The following ABCB4 variants were observed in gnomAD, a reference collection of about 807,000 sequenced individuals.
ABCB4 encodes the protein phosphatidylcholine translocator ABCB4.
ABCB4 carries 76 observed loss-of-function variants against 145.7 expected under a neutral mutation model. The ratio of observed to expected loss-of-function variants is 0.52; its 90% confidence interval spans 0.43 to 0.63. The LOEUF is 0.63. ABCB4 is among the 30% of genes least tolerant of loss of function. The pLI is 0.00. For missense variants in ABCB4, 1,234 were observed against 1,553.1 expected, an observed-to-expected ratio of 0.79 and a Z score of 3.45; for synonymous variants, 517 against 566.8, an observed-to-expected ratio of 0.91 and a Z score of 1.25.
intron 16 of ABCB4, among the ~76,000 whole-genome samples, chr7:87,426,173 AG>A (rs1185124194): frequency 1.3e-5 from 2 of 152,176 alleles, no homozygotes; most frequent in African/African-American, 4.8e-5. Context: ...CAGATGTGAT[AG>A]GTAGGGCTTC....
downstream of ABCB4, among the ~76,000 whole-genome samples, chr7:87,397,762 C>T (rs1361003175): frequency 6.6e-6 from 1 of 152,172 alleles, no homozygotes; most frequent in Non-Finnish European, 1.5e-5. Flanking sequence ...TTTTATTTCT[C>T]TTTGTTTAAC....
rs1402217106 is a variant in ABCB4 at position 87,417,449 on chromosome 7, A to T, written c.2545T>A (p.Ser849Thr). Residue 849 changes from serine (S) to threonine (T), a missense_variant, in exon 21 of 28, where the codon TCA becomes ACA. By Grantham distance (58) the Ser-to-Thr change is moderately conservative (BLOSUM62 1). Coordinates refer to ENST00000649586, the MANE Select transcript of ABCB4 (RefSeq NM_000443.4). ...GTTAACTGCCAACCGTAGATAAATGATATGATAATACCAGTTCCAAGGTTA... is the reference window on the plus strand; with the variant it reads ...GTTAACTGCCAACCGTAGATAAATGTTATGATAATACCAGTTCCAAGGTTA... ...IANLGTGIIISFIYGWQLTLL... is the reference protein window; with the variant it reads ...IANLGTGIIITFIYGWQLTLL... The T allele has an allele frequency of 6.2e-7, 1 of 1,614,082 alleles. No homozygotes were observed. Among genetic ancestry groups the T allele is most frequent in the East Asian group, 2.2e-5 (1 of 44,888 alleles).
the ABCB4 span, among the ~76,000 whole-genome samples, chr7:87,391,196 A>G: frequency 8.5e-5 from 13 of 152,216 alleles, no homozygotes; most frequent in African/African-American, 3.1e-4. Flanking sequence ...AGAGAACAAG[A>G]GAGAGCTCTC....
intron 24 of ABCB4, 76 bp from the exon 25 acceptor site, chr7:87,408,310 C>A: frequency 2.8e-6 from 4 of 1,440,934 alleles, no homozygotes; most frequent in Non-Finnish European, 3.8e-6. Flanking sequence ...TTCAAGGAAA[C>A]TTTACCAAAG....
At chr7:87,395,978 T>C in the ABCB4 span, among the ~76,000 whole-genome samples, 1 of 152,088 alleles carries the variant, frequency 6.6e-6, no homozygotes, top group South Asian at 2.1e-4. Context: ...TAAGAAGAAG[T>C]CATGAAAGCA....
the ABCB4 span, chr7:87,392,578 C>T: frequency 6.2e-7 from 1 of 1,613,036 alleles, no homozygotes; most frequent in African/African-American, 1.3e-5. Flanking sequence ...TCGTGAGCGG[C>T]AGCAAAAGAT....
chr7:87,385,367 A>G, the ABCB4 span, among the ~76,000 whole-genome samples: 1 of 152,018 alleles, frequency 6.6e-6, no homozygotes, highest in African/African-American at 2.4e-5. Flanking sequence ...TCTCACTTTC[A>G]TCAGTGTCTT....
At chr7:87,387,463 T>G in the ABCB4 span, among the ~76,000 whole-genome samples, 1 of 145,328 alleles carries the variant, frequency 6.9e-6, no homozygotes. Flanking sequence ...TGAGCTATAC[T>G]TTTTTTTTTT....
intron 10 of ABCB4, 29 bp downstream of exon 10, chr7:87,444,832 CT>C: frequency 6.5e-7 from 1 of 1,535,982 alleles, no homozygotes. Context: ...TCAAAGACTT[CT>C]TTTGGCACTA....
chr7:87,441,067 A>G (rs555320667), intron 12 of ABCB4, among the ~76,000 whole-genome samples: 1 of 152,230 alleles, frequency 6.6e-6, no homozygotes, highest in East Asian at 1.9e-4. Flanking sequence ...TATTTTTTAC[A>G]TGCTTTAATT....
chr7:87,431,939 G>A (rs1021440935), intron 14 of ABCB4, among the ~76,000 whole-genome samples: 1 of 152,212 alleles, frequency 6.6e-6, no homozygotes, highest in Non-Finnish European at 1.5e-5. Flanking sequence ...TTTTAGGGAA[G>A]TTGTTGCCAA....
the ABCB4 span, among the ~76,000 whole-genome samples, chr7:87,384,439 C>A: frequency 6.6e-6 from 1 of 152,192 alleles, no homozygotes; most frequent in East Asian, 1.9e-4. Flanking sequence ...GGCTGAGGCA[C>A]GAGAATCCCT....
Position 87,406,374 on chromosome 7 carries a change from C to A in ABCB4, c.3400G>T (p.Asp1134Tyr). The A allele has an allele frequency of 6.2e-7, 1 of 1,614,090 alleles. No individual in the cohort carries two copies. Among genetic ancestry groups the A allele is most frequent in the East Asian group, 2.2e-5 (1 of 44,874 alleles). The change falls in exon 26 of 28, where the codon GAC becomes TAC. Residue 1134 changes from aspartate (D) to tyrosine (Y), a missense_variant. By Grantham distance (160) the Asp-to-Tyr change is radical. Transcript: ENST00000649586. ...CSIAENIAYG[D>Y]NSRVVSQDEI... ...TCCTGTGATACAACCCGGCTGTTGT[C>A]TCCATAGGCAATATTCTCGGCAATG... is the stretch of plus-strand genomic sequence containing the variant.
intron 23 of ABCB4, among the ~76,000 whole-genome samples, chr7:87,409,856 G>A (rs1808482927): frequency 6.6e-6 from 1 of 152,082 alleles, no homozygotes; most frequent in South Asian, 2.1e-4. Flanking sequence ...GGTTTCTTCT[G>A]TACTACCACA....
At chr7:87,412,158 T>C (rs1383919960) in intron 22 of ABCB4, 125 bp from the exon 23 acceptor site, 3 of 952,120 alleles carry the variant, frequency 3.2e-6, no homozygotes, top group Non-Finnish European at 5.0e-6. Context: ...TATATTAGTT[T>C]GGGTAAATGA....
At chr7:87,380,142 TG>T in the ABCB4 span, among the ~76,000 whole-genome samples, 1 of 152,242 alleles carries the variant, frequency 6.6e-6, no homozygotes, top group East Asian at 1.9e-4. Context: ...AATAAGCATA[TG>T]TACTGTAAAA....
At chr7:87,471,135 T>C (rs1813361616) in intron 3 of ABCB4, among the ~76,000 whole-genome samples, 1 of 151,670 alleles carries the variant, frequency 6.6e-6, no homozygotes, top group East Asian at 1.9e-4. Flanking sequence ...AAACACCTCA[T>C]GTTCTCACTC....
chr7:87,406,525 G>T (rs1322238964), intron 25 of ABCB4, 31 bp from the exon 26 acceptor site: 2 of 1,611,882 alleles, frequency 1.2e-6, no homozygotes, highest in Admixed American at 1.7e-5. Flanking sequence ...ACTATAAGAA[G>T]GGTATAAAAA....
the ABCB4 span, among the ~76,000 whole-genome samples, chr7:87,387,008 G>C: frequency 6.6e-6 from 1 of 152,010 alleles, no homozygotes; most frequent in Non-Finnish European, 1.5e-5. Context: ...TGAGTCCATG[G>C]GAGTTTTTCC....
Sources: gnomAD v4.1 joint callset for allele counts (sites outside exome capture counted in the v4.1 genomes callset) on GRCh38, gnomAD v4.1.1 for gene constraint, MANE v1.5 for transcripts, NCBI Gene and HGNC (gene_info 2026-07-23, HGNC 2026-07-21) for gene names.